Variants in LIMCH1 observed in about 807,000 individuals in gnomAD.
LIMCH1 encodes LIM and calponin homology domains 1.
In LIMCH1, 113 loss-of-function variants were observed where a neutral mutation model predicts 176.5. The ratio of observed to expected loss-of-function variants is 0.64; its 90% CI spans 0.55 to 0.75. The LOEUF (loss-of-function observed/expected upper bound fraction) is 0.75. Ranked by LOEUF, LIMCH1 falls within the 30% of genes least tolerant of loss-of-function variation. The pLI is 0.00. For missense variants in LIMCH1, 1,674 were observed against 1,814.9 expected, an observed-to-expected ratio of 0.92 and a Z score of 1.41; for synonymous variants, 619 against 645.9, an observed-to-expected ratio of 0.96 and a Z score of 0.63.
At chr4:41,586,476 A>G (rs775108053) in intron 1 of LIMCH1, among the ~76,000 whole-genome samples, 31 of 152,316 alleles carry the variant, frequency 2.0e-4, no homozygotes, top group Middle Eastern at 6.8e-3. Context: ...AGCAATCCAC[A>G]GACCACAGTT....
At chr4:41,584,003 T>C (rs994930473) in intron 1 of LIMCH1, among the ~76,000 whole-genome samples, 5 of 152,148 alleles carry the variant, frequency 3.3e-5, no homozygotes, top group African/African-American at 9.7e-5. Flanking sequence ...TCTGTAAATA[T>C]GATAGGGATA....
chr4:41,435,106 C>T (rs2061948103), intron 1 of LIMCH1, among the ~76,000 whole-genome samples: 1 of 152,008 alleles, frequency 6.6e-6, no homozygotes. Flanking sequence ...TCTCAGTGGA[C>T]CCTATGTTAT....
At chr4:41,412,026 C>G (rs11731039) in intron 1 of LIMCH1, among the ~76,000 whole-genome samples, 40,501 of 141,372 alleles carry the variant, frequency 0.29, 6,364 homozygotes, top group African/African-American at 0.43. Flanking sequence ...TTACATGGAT[C>G]ACAGAGAATG....
At chr4:41,582,895 G>T (rs73233716) in intron 1 of LIMCH1, among the ~76,000 whole-genome samples, 1 of 152,138 alleles carries the variant, frequency 6.6e-6, no homozygotes, top group African/African-American at 2.4e-5. Flanking sequence ...TAGCTTTGTC[G>T]TGGGTGTATT....
chr4:41,522,926 C>T (rs1450007188), intron 2 of LIMCH1, among the ~76,000 whole-genome samples: 1 of 152,096 alleles, frequency 6.6e-6, no homozygotes, highest in African/African-American at 2.4e-5. Context: ...ATGAAAAGAG[C>T]AGCCAGCTTG....
intron 1 of LIMCH1, among the ~76,000 whole-genome samples, chr4:41,458,706 G>A (rs1279740615): frequency 3.3e-5 from 5 of 150,962 alleles, no homozygotes; most frequent in African/African-American, 1.2e-4. Flanking sequence ...CCTGGGGGGC[G>A]GAGGTTGCAG....
intron 2 of LIMCH1, among the ~76,000 whole-genome samples, chr4:41,510,001 G>T (rs774106403): frequency 5.3e-5 from 8 of 152,256 alleles, no homozygotes; most frequent in Non-Finnish European, 1.0e-4. Context: ...AAAATTATAC[G>T]ATCCTTGTCA....
chr4:41,665,487 A>G (rs2094791159), intron 20 of LIMCH1, among the ~76,000 whole-genome samples: 1 of 152,212 alleles, frequency 6.6e-6, no homozygotes, highest in Admixed American at 6.5e-5. Context: ...AGTTGAATAT[A>G]TTATTCATAA....
intron 2 of LIMCH1, among the ~76,000 whole-genome samples, chr4:41,521,726 A>G (rs968756223): frequency 3.3e-5 from 5 of 152,156 alleles, no homozygotes; most frequent in Non-Finnish European, 7.4e-5. Context: ...AGTGAACATT[A>G]TGGCTTTTTA....
rs1015634052 is a variant in LIMCH1, at chr4:41,620,130, G to T, written c.459-294G>T. Reference sequence around the variant, plus strand: ...GTACTATTATTTTCCATTGAATAAAGATGTTATTACAATTTTTAATTTGCT... The same window carrying T: ...GTACTATTATTTTCCATTGAATAAATATGTTATTACAATTTTTAATTTGCT... On this transcript the variant is annotated intron_variant, in intron 6 of 31. Transcript: ENST00000503057. 6 of 350,348 alleles carry T rather than the reference G, an allele frequency of 1.7e-5. No individual in the cohort carries two copies. The South Asian group carries it at 1.9e-4, about 11-fold the overall frequency. 21.7% of individuals were successfully genotyped at this position (350,348 alleles called of 1,614,324 possible).
chr4:41,632,696 G>A (rs1238246519), intron 10 of LIMCH1, 53 bp from the exon 11 acceptor site: 24 of 1,407,700 alleles, frequency 1.7e-5, no homozygotes, highest in Admixed American at 7.9e-5. Context: ...GTCTTCTTTC[G>A]TAACCCATGT....
At position 41,646,149 on chromosome 4, in the gene LIMCH1, A is replaced by G. The variant is rs141609013; in HGVS notation, c.2280A>G (p.Arg760=). 89 of 1,613,168 alleles carry G rather than the reference A, an allele frequency of 5.5e-5. No homozygotes were observed. In the African/African-American group the frequency reaches 1.1e-3, roughly 20 times the overall value. ...QDDLARWKSR[R]RSVSQDLIKK... is the part of the protein sequence containing the mutation. ...ACCTGGCTCGTTGGAAGAGTCGTAG[A>G]AGAAGTGTTTCTCAGGACTTAATCA... The change falls in exon 16 of 32, where the codon AGA becomes AGG. Residue 760 remains arginine, a synonymous_variant. Transcript: ENST00000503057.
chr4:41,419,123 G>GTTTTATTTTA (rs148393298), intron 1 of LIMCH1, among the ~76,000 whole-genome samples: 2 of 146,798 alleles, frequency 1.4e-5, no homozygotes, highest in East Asian at 2.0e-4. Context: ...ACTACGTTTT[G>GTTTTATTTTA]TTTTATTTTA....
Position 41,633,465 on chromosome 4 carries a change from G to C in LIMCH1, c.1830-83G>C, listed in dbSNP as rs900339285. ...CAGGGATGCTGGCTTCTTCTGTCTTGAATTAACGCCAGTGAGTGACACTAC... is the reference window on the plus strand; with the variant it reads ...CAGGGATGCTGGCTTCTTCTGTCTTCAATTAACGCCAGTGAGTGACACTAC... On this transcript the variant is annotated intron_variant, in intron 12 of 31. Coordinates refer to ENST00000503057, the MANE Select transcript of LIMCH1 (RefSeq NM_001330672.2). 4.1e-6 allele frequency: 6 copies of C among 1,473,946 alleles called. No homozygotes were observed. The African/African-American group carries it at 7.0e-5, about 17-fold the overall frequency. The allele number at this position is 1,473,946 out of a possible 1,614,324, so 91.3% of individuals were successfully genotyped here. A position where few individuals can be genotyped will look rare whatever the true frequency, so the allele number is the denominator to read the frequency against.
chr4:41,444,747 C>G (rs143150958), intron 1 of LIMCH1, among the ~76,000 whole-genome samples: 1 of 152,200 alleles, frequency 6.6e-6, no homozygotes, highest in Non-Finnish European at 1.5e-5. Flanking sequence ...TTCAGTCTTG[C>G]TCAACATTGG....
At chr4:41,530,672 T>C (rs2077161099) in intron 3 of LIMCH1, among the ~76,000 whole-genome samples, 1 of 151,400 alleles carries the variant, frequency 6.6e-6, no homozygotes, top group Admixed American at 6.6e-5. Context: ...CCTGGCATGG[T>C]GGTGTGTGCC....
At chr4:41,576,399 T>C (rs900331892) in intron 1 of LIMCH1, among the ~76,000 whole-genome samples, 11 of 152,342 alleles carry the variant, frequency 7.2e-5, no homozygotes, top group African/African-American at 2.6e-4. Flanking sequence ...GAAATACCTA[T>C]CAAATTTTAA....
chr4:41,644,696 G>A, intron 15 of LIMCH1, 70 bp downstream of exon 15: 5 of 1,544,560 alleles, frequency 3.2e-6, no homozygotes, highest in Non-Finnish European at 4.4e-6. Context: ...CGGGTGGGTA[G>A]ACGTGGACTT....
chr4:41,653,653 A>G (rs575236766), intron 18 of LIMCH1, among the ~76,000 whole-genome samples: 2 of 152,358 alleles, frequency 1.3e-5, no homozygotes, highest in African/African-American at 4.8e-5. Flanking sequence ...AGTAGGCAGG[A>G]GCATGAATTC....
Sources: gnomAD v4.1 joint callset for allele counts (sites outside exome capture counted in the v4.1 genomes callset) on GRCh38, gnomAD v4.1.1 for gene constraint, MANE v1.5 for transcripts, NCBI Gene and HGNC (gene_info 2026-07-23, HGNC 2026-07-21) for gene names.